CRADD: variants seen among roughly 807,000 people sequenced by gnomAD.
The protein encoded by CRADD is CARD and death domain containing adaptor protein.
Under a neutral mutation model 15.5 loss-of-function variants are expected in CRADD, and 9 were observed. That is an observed-to-expected ratio of 0.58 (90% CI 0.35 to 1.01). The LOEUF (loss-of-function observed/expected upper bound fraction) is 1.01, where lower values mean the gene tolerates loss of function less well. Ranked by LOEUF, CRADD falls within the 50% of genes least tolerant of loss-of-function variation. CRADD has a pLI of 0.02. For missense variants in CRADD, 227 were observed against 250.3 expected (o/e 0.91, Z 0.63); for synonymous variants, 118 against 107.6 (o/e 1.10, Z -0.60).
intron 2 of CRADD, among the ~76,000 whole-genome samples, chr12:93,795,544 C>G (rs1957405348): frequency 1.3e-5 from 2 of 152,224 alleles, no homozygotes; most frequent in South Asian, 4.1e-4. Flanking sequence ...TTACACCACT[C>G]ATTGGCAGAG....
intron 2 of CRADD, among the ~76,000 whole-genome samples, chr12:93,877,513 G>T (rs988158343): frequency 3.9e-5 from 6 of 152,214 alleles, no homozygotes; most frequent in East Asian, 1.9e-4. Context: ...GTATTCTGTT[G>T]TACTGCAGCT....
downstream of CRADD, among the ~76,000 whole-genome samples, chr12:93,854,946 C>T (rs559688477): frequency 1.2e-3 from 187 of 152,268 alleles, 1 homozygote; most frequent in South Asian, 0.013. Flanking sequence ...ATAATCCCAG[C>T]GCTTTGGGAG....
intron 2 of CRADD, 41 bp downstream of exon 2, chr12:93,679,113 T>C: frequency 1.3e-6 from 2 of 1,484,228 alleles, no homozygotes; most frequent in Non-Finnish European, 1.9e-6. Context: ...CTCCAAAATG[T>C]TGTAACTATG....
intron 2 of CRADD, among the ~76,000 whole-genome samples, chr12:93,802,093 GT>G (rs1411357777): frequency 1.3e-5 from 2 of 152,152 alleles, no homozygotes; most frequent in Non-Finnish European, 2.9e-5. Flanking sequence ...CCATTCGTTG[GT>G]TGATGGCCAC....
intron 2 of CRADD, among the ~76,000 whole-genome samples, chr12:93,819,870 G>A (rs532295120): frequency 6.6e-6 from 1 of 152,320 alleles, no homozygotes; most frequent in East Asian, 1.9e-4. Context: ...GAATACTCCA[G>A]ATTTCGAAGG....
intron 2 of CRADD, among the ~76,000 whole-genome samples, chr12:93,834,032 A>G (rs1247816354): frequency 1.3e-5 from 2 of 152,148 alleles, no homozygotes; most frequent in African/African-American, 4.8e-5. Flanking sequence ...CCTTTCTTCT[A>G]TCACCTTGGT....
intron 2 of CRADD, chr12:93,738,740 G>A: frequency 2.9e-6 from 1 of 339,040 alleles, no homozygotes; most frequent in Non-Finnish European, 5.3e-6. Flanking sequence ...AAGATAACAG[G>A]GACCCTATTC....
At chr12:93,721,476 C>G (rs1237061972) in intron 2 of CRADD, among the ~76,000 whole-genome samples, 2 of 152,158 alleles carry the variant, frequency 1.3e-5, no homozygotes, top group Non-Finnish European at 2.9e-5. Flanking sequence ...TATATACACA[C>G]ACAGCCCTCC....
rs777182254 is a variant in CRADD at position 93,873,882 on chromosome 12, T to TTG, written c.299-20158_299-20157dup. Reference sequence around the variant, plus strand: ...TTGGCCTGTAGTTTTTTGTTTTTCGTTGTGTGTGTGTTTGTGTGTGCGTGT... The same window carrying TTG: ...TTGGCCTGTAGTTTTTTGTTTTTCGTTGTGTGTGTGTGTTTGTGTGTGCGTGT... On this transcript the variant is annotated intron_variant, in intron 2 of 2. Coordinates refer to the CRADD transcript ENST00000548483. Among the ~76,000 whole-genome samples, 18 of 151,746 alleles carry TTG rather than the reference T, an allele frequency of 1.2e-4. 1 individual carries two copies. In the South Asian group the frequency reaches 1.2e-3, roughly 11 times the overall value.
chr12:93,842,962 A>C (rs1376131956), intron 2 of CRADD, among the ~76,000 whole-genome samples: 1 of 152,174 alleles, frequency 6.6e-6, no homozygotes, highest in Non-Finnish European at 1.5e-5. Flanking sequence ...TGCATGAAAA[A>C]TTTAGGATCT....
rs992389614 is a variant in CRADD, at chr12:93,850,023, C to T, written c.352C>T (p.Arg118Trp). The T allele has an allele frequency of 1.6e-5, 26 of 1,610,726 alleles. No homozygotes were observed. The highest frequency in any genetic ancestry group is 4.5e-5 in the East Asian group (2 of 44,884). ...SHILNSSPSD[R>W]QINQLAQRLG... ...CATCCTCAACAGCTCCCCATCAGAC[C>T]GGCAGATTAACCAGCTGGCCCAGAG... The change falls in exon 3 of 3, where the codon CGG becomes TGG. Residue 118 changes from arginine (R) to tryptophan (W), a missense_variant. By Grantham distance (101) the Arg-to-Trp change is moderately radical (BLOSUM62 -3). Coordinates refer to ENST00000332896, the MANE Select transcript of CRADD (RefSeq NM_003805.5). The surrounding 1 kb of genome is among the most constrained non-coding windows in gnomAD (Gnocchi z 4.0).
chr12:93,834,465 A>G (rs1297273815), intron 2 of CRADD, among the ~76,000 whole-genome samples: 1 of 152,058 alleles, frequency 6.6e-6, no homozygotes, highest in Non-Finnish European at 1.5e-5. Context: ...ATATAATGTT[A>G]TGTTCAGTTG....
At chr12:93,722,862 T>C (rs962429818) in intron 2 of CRADD, among the ~76,000 whole-genome samples, 1 of 152,210 alleles carries the variant, frequency 6.6e-6, no homozygotes, top group Non-Finnish European at 1.5e-5. Flanking sequence ...TTTTGCCTTT[T>C]AGTATGCCTT....
chr12:93,835,023 C>G (rs545232397), intron 2 of CRADD, among the ~76,000 whole-genome samples: 9 of 152,192 alleles, frequency 5.9e-5, no homozygotes, highest in Non-Finnish European at 1.3e-4. Context: ...AACACTGCAT[C>G]CTTTATTGCC....
intron 2 of CRADD, chr12:93,837,655 A>G (rs1957989944): frequency 6.6e-6 from 1 of 152,242 alleles, no homozygotes; most frequent in Non-Finnish European, 1.5e-5. Context: ...GAAAATGTGT[A>G]AAGAAAAGTG....
chr12:93,744,107 T>C (rs1022320248), intron 2 of CRADD, among the ~76,000 whole-genome samples: 7 of 152,202 alleles, frequency 4.6e-5, no homozygotes, highest in African/African-American at 1.7e-4. Flanking sequence ...ATTTATTTTC[T>C]CATCATTTCT....
intron 2 of CRADD, among the ~76,000 whole-genome samples, chr12:93,802,132 G>C (rs905666285): frequency 1.3e-5 from 2 of 152,142 alleles, no homozygotes; most frequent in Non-Finnish European, 2.9e-5. Flanking sequence ...CTTTGCACTT[G>C]TGAATTGTGC....
rs201171101 is a variant in CRADD at position 93,784,106 on chromosome 12, G to A, written c.299-65864G>A. Among the ~76,000 whole-genome samples, 23 of 152,166 alleles carry A rather than the reference G, an allele frequency of 1.5e-4. No homozygotes were observed. In the East Asian group the frequency reaches 1.9e-3, roughly 13 times the overall value. On this transcript the variant is annotated intron_variant, in intron 2 of 2. Transcript: ENST00000332896. ...TGCGGTACTTCATGGCTGGTCCCAC[G>A]TAACAATTTATGCCCTAGAGATGTC...
At chr12:93,847,059 C>T (rs1480459106) in intron 2 of CRADD, among the ~76,000 whole-genome samples, 5 of 152,116 alleles carry the variant, frequency 3.3e-5, no homozygotes, top group African/African-American at 4.8e-5. Flanking sequence ...GCTGAGATCA[C>T]GCCACTGCAC....
Sources: allele counts gnomAD v4.1 joint callset (sites outside exome capture counted in the v4.1 genomes callset), GRCh38; gene constraint gnomAD v4.1.1; non-coding constraint Gnocchi (gnomAD v3.1); transcripts MANE v1.5; gene names NCBI Gene and HGNC (gene_info 2026-07-23, HGNC 2026-07-21).